Variants in ERG observed in about 807,000 individuals in gnomAD.
The protein encoded by ERG is ETS transcription factor ERG.
ERG carries 9 observed loss-of-function variants against 55.3 expected under a neutral mutation model. That is an observed-to-expected ratio of 0.16 (90% CI 0.10 to 0.28). The LOEUF is 0.28. ERG is among the 10% of genes least tolerant of loss of function. ERG has a pLI of 1.00. For missense variants in ERG, 434 were observed against 631.6 expected (o/e 0.69, Z 3.35); for synonymous variants, 223 against 237.3 (o/e 0.94, Z 0.55).
At chr21:38,462,372 A>AT (rs35801095) in intron 1 of ERG, among the ~76,000 whole-genome samples, 7 of 151,930 alleles carry the variant, frequency 4.6e-5, no homozygotes, top group East Asian at 1.9e-4. Flanking sequence ...CATATACACA[A>AT]TTTTTTTTTA....
In ERG at chr21:38,439,080, A is replaced by C. The variant is rs370974123; in HGVS notation, c.236+6324T>G. Among the ~76,000 whole-genome samples, 8 of 152,290 alleles carry C rather than the reference A, an allele frequency of 5.3e-5. No homozygotes were observed. The East Asian group carries it at 1.4e-3, about 26-fold the overall frequency. ...TCCAGGTGGCCTGCAGACTGGGCTG[A>C]GGGGGGACTCACAGCATGGCACATA... is the stretch of plus-strand genomic sequence containing the variant. On this transcript the variant is annotated intron_variant, in intron 2 of 9. Transcript: ENST00000288319.
At chr21:38,584,818 G>A (rs2060052434) in intron 1 of ERG, 1 of 152,182 alleles carries the variant, frequency 6.6e-6, no homozygotes, top group Non-Finnish European at 1.5e-5. Flanking sequence ...GGCAGCATAA[G>A]ATTATTTGGG....
In ERG at chr21:38,429,742, T is replaced by TACACACAC. The variant is rs377310789; in HGVS notation, c.237-6182_237-6181insGTGTGTGT. Among the ~76,000 whole-genome samples the TACACACAC allele has an allele frequency of 3.1e-4, 33 of 105,954 alleles. 1 individual carries two copies. Among genetic ancestry groups the TACACACAC allele is most frequent in the African/African-American group, 9.0e-4 (25 of 27,894 alleles). 69.5% of individuals were successfully genotyped at this position (105,954 alleles called of 152,430 possible). On this transcript the variant is annotated intron_variant, in intron 2 of 9. Transcript: ENST00000288319. ...ATGTCTATATATATGTGTGTATATA[T>TACACACAC]ATATACACACACACACACACACCAC...
chr21:38,624,672 C>T (rs989285457), intron 1 of ERG, among the ~76,000 whole-genome samples: 1 of 152,112 alleles, frequency 6.6e-6, no homozygotes, highest in Non-Finnish European at 1.5e-5. Context: ...GGCTATATGA[C>T]CTTGGACACT....
At chr21:38,502,708 A>G (rs73906312), upstream of ERG, 30 of 151,902 alleles carry the variant, frequency 2.0e-4, no homozygotes, top group African/African-American at 7.3e-4. Context: ...GTATGTTTTC[A>G]TATTAGACTT....
intron 2 of ERG, among the ~76,000 whole-genome samples, chr21:38,545,389 C>T (rs372319096): frequency 2.6e-5 from 4 of 152,290 alleles, no homozygotes; most frequent in Middle Eastern, 3.4e-3. Flanking sequence ...CCTTTAGCAA[C>T]GTAGGGTTGA....
chr21:38,484,189 T>G (rs961450550), intron 1 of ERG, among the ~76,000 whole-genome samples: 42 of 152,106 alleles, frequency 2.8e-4, no homozygotes, highest in Admixed American at 9.8e-4. Flanking sequence ...GGTCGTGAAC[T>G]CCTGAGCTCA....
intron 3 of ERG, among the ~76,000 whole-genome samples, chr21:38,411,782 T>C (rs888725514): frequency 4.6e-5 from 7 of 152,242 alleles, no homozygotes; most frequent in Non-Finnish European, 1.0e-4. Context: ...GTCACTGACC[T>C]ATCAATTACT....
intron 1 of ERG, among the ~76,000 whole-genome samples, chr21:38,622,588 C>T (rs187752703): frequency 1.3e-5 from 2 of 149,554 alleles, no homozygotes; most frequent in Non-Finnish European, 3.0e-5. Flanking sequence ...GTACCACACA[C>T]ACCACACACA....
chr21:38,429,312 G>A (rs1445100457), intron 2 of ERG, among the ~76,000 whole-genome samples: 6 of 151,334 alleles, frequency 4.0e-5, no homozygotes, highest in South Asian at 2.1e-4. Context: ...ATGTATATAT[G>A]TACATATACA....
At chr21:38,463,946 A>G (rs538368772) in intron 1 of ERG, among the ~76,000 whole-genome samples, 6 of 152,258 alleles carry the variant, frequency 3.9e-5, no homozygotes, top group African/African-American at 1.2e-4. Flanking sequence ...TACTGGGGTC[A>G]TGGGTTAAGA....
intron 3 of ERG, among the ~76,000 whole-genome samples, chr21:38,415,333 C>G (rs1010466961): frequency 6.6e-6 from 1 of 152,190 alleles, no homozygotes; most frequent in Non-Finnish European, 1.5e-5. Flanking sequence ...TGTCCAAGTG[C>G]CTGACAACAG....
At chr21:38,391,877 C>T (rs1399046340) in intron 7 of ERG, among the ~76,000 whole-genome samples, 162 bp from the exon 8 acceptor site, 1 of 151,106 alleles carries the variant, frequency 6.6e-6, no homozygotes, top group Non-Finnish European at 1.5e-5. Flanking sequence ...CTGATGAAAT[C>T]AAATGTAAAC....
chr21:38,423,394 G>A lies in ERG; in HGVS notation c.388+16C>T, dbSNP rs2146502068. 1.2e-6 allele frequency: 2 copies of A among 1,607,182 alleles called. No individual in the cohort carries two copies. The highest frequency in any genetic ancestry group is 1.7e-6 in the Non-Finnish European group (2 of 1,175,182). Reference sequence around the variant, plus strand: ...GTTGCGATCTGCCGAGGGCAGTGAAGCTGTGGGCACCTGACCTGCTGGCAC... The same window carrying A: ...GTTGCGATCTGCCGAGGGCAGTGAAACTGTGGGCACCTGACCTGCTGGCAC... On this transcript the variant is annotated intron_variant, in intron 3 of 9. Transcript: ENST00000288319.
chr21:38,610,520 C>T (rs1213830358), intron 1 of ERG, among the ~76,000 whole-genome samples: 2 of 119,604 alleles, frequency 1.7e-5, no homozygotes, highest in African/African-American at 7.2e-5. Context: ...CACGTGCGCG[C>T]ACGCGCGTGT....
chr21:38,547,853 A>G (rs1356453498), intron 2 of ERG, among the ~76,000 whole-genome samples: 1 of 152,222 alleles, frequency 6.6e-6, no homozygotes, highest in African/African-American at 2.4e-5. Context: ...TTAAGACTGC[A>G]CCACTGTTAA....
At chr21:38,588,943 C>T (rs990439772), upstream of ERG, among the ~76,000 whole-genome samples, 2 of 152,098 alleles carry the variant, frequency 1.3e-5, no homozygotes, top group African/African-American at 2.4e-5. Context: ...TTTGTCCAGG[C>T]CAATCTCGAA....
chr21:38,624,072 G>A (rs926997326), intron 1 of ERG, among the ~76,000 whole-genome samples: 1 of 152,136 alleles, frequency 6.6e-6, no homozygotes. Flanking sequence ...TATATGTGAA[G>A]CCTTCAAGAA....
At chr21:38,652,572 T>G (rs1392431215) in intron 1 of ERG, among the ~76,000 whole-genome samples, 1 of 152,204 alleles carries the variant, frequency 6.6e-6, no homozygotes, top group Non-Finnish European at 1.5e-5. Flanking sequence ...GGGTCTCACA[T>G]ATCTGCTGGA....
Sources: gnomAD v4.1 joint callset for allele counts (sites outside exome capture counted in the v4.1 genomes callset) on GRCh38, gnomAD v4.1.1 for gene constraint, MANE v1.5 for transcripts, NCBI Gene and HGNC (gene_info 2026-07-23, HGNC 2026-07-21) for gene names.